Variants in CAST observed in about 807,000 individuals in gnomAD.
The protein encoded by CAST is calpastatin.
A neutral mutation model predicts 119.6 loss-of-function variants in CAST; 76 were observed. The observed-to-expected ratio is 0.64, with a 90% CI of 0.53 to 0.77. The LOEUF (loss-of-function observed/expected upper bound fraction) is 0.77, where lower values mean the gene tolerates loss of function less well. Ranked by LOEUF, CAST falls within the 30% of genes least tolerant of loss-of-function variation. The probability of loss-of-function intolerance (pLI) is 0.00; values close to 1 mark genes in which losing one functional copy is unlikely to be tolerated. For synonymous variants in CAST, 319 were observed against 331.6 expected (o/e 0.96, Z 0.41); for missense variants, 953 against 946.5 (o/e 1.01, Z -0.09).
upstream of CAST, chr5:96,529,760 T>G (rs1057425072): frequency 2.3e-6 from 1 of 434,822 alleles, no homozygotes; most frequent in Admixed American, 2.5e-5. Context: ...TCACGAGATA[T>G]AATGGTTTTA....
chr5:96,664,839 A>G (rs1373147531), intron 1 of CAST, among the ~76,000 whole-genome samples: 1 of 152,198 alleles, frequency 6.6e-6, no homozygotes, highest in East Asian at 1.9e-4. Context: ...TTGATGTGGT[A>G]AGAACAAACC....
chr5:96,749,457 A>G (rs1209663446), intron 19 of CAST, among the ~76,000 whole-genome samples: 1 of 152,248 alleles, frequency 6.6e-6, no homozygotes, highest in Non-Finnish European at 1.5e-5. Flanking sequence ...CCATCTGCTG[A>G]GCACCTTGCA....
At chr5:96,678,066 A>C (rs529470216) in intron 2 of CAST, among the ~76,000 whole-genome samples, 1 of 152,196 alleles carries the variant, frequency 6.6e-6, no homozygotes, top group Non-Finnish European at 1.5e-5. Context: ...CTTGATGTTC[A>C]TGATTATAAA....
the CAST span, among the ~76,000 whole-genome samples, chr5:96,340,053 A>G: frequency 6.6e-6 from 1 of 152,212 alleles, no homozygotes; most frequent in African/African-American, 2.4e-5. Context: ...ACTTTATGGT[A>G]ATCGGACAGG....
chr5:96,765,514 A>C (rs2150723850), intron 26 of CAST, among the ~76,000 whole-genome samples, 189 bp downstream of exon 26: 1 of 152,250 alleles, frequency 6.6e-6, no homozygotes, highest in South Asian at 2.1e-4. Context: ...TGTGACAGAG[A>C]TACCAGCGGA....
the CAST span, among the ~76,000 whole-genome samples, chr5:96,500,280 G>A: frequency 2.2e-4 from 34 of 152,180 alleles, no homozygotes; most frequent in African/African-American, 8.2e-4. Flanking sequence ...CCTTCAATTT[G>A]TAAAAAATGC....
chr5:96,122,665 C>G, the CAST span, among the ~76,000 whole-genome samples: 1 of 151,726 alleles, frequency 6.6e-6, no homozygotes, highest in African/African-American at 2.4e-5. Flanking sequence ...GTGCACATAT[C>G]AGTTGAAGAA....
the CAST span, among the ~76,000 whole-genome samples, chr5:95,969,456 A>G: frequency 6.6e-6 from 1 of 152,188 alleles, no homozygotes; most frequent in Non-Finnish European, 1.5e-5. Context: ...GGGGAGACCA[A>G]TGATCAGAGG....
the CAST span, among the ~76,000 whole-genome samples, chr5:96,285,027 T>C: frequency 1.3e-5 from 2 of 152,224 alleles, no homozygotes; most frequent in African/African-American, 4.8e-5. Flanking sequence ...CATAAATAAT[T>C]TGGTCTTAGT....
the CAST span, among the ~76,000 whole-genome samples, chr5:96,180,716 T>G: frequency 1.2e-4 from 18 of 152,348 alleles, no homozygotes; most frequent in African/African-American, 4.1e-4. Flanking sequence ...TATTCACAAT[T>G]TCAAGTAAAA....
At chr5:96,164,242 G>T in the CAST span, among the ~76,000 whole-genome samples, 1 of 152,178 alleles carries the variant, frequency 6.6e-6, no homozygotes, top group African/African-American at 2.4e-5. Context: ...CGTAAAGAAA[G>T]AATAGAAAGA....
chr5:96,523,872 C>T (rs1282760550), upstream of CAST, among the ~76,000 whole-genome samples: 1 of 152,196 alleles, frequency 6.6e-6, no homozygotes, highest in Non-Finnish European at 1.5e-5. Context: ...ACTTAACCTC[C>T]CATTGGGCAA....
At chr5:96,553,233 C>T (rs1048781224) in intron 1 of CAST, among the ~76,000 whole-genome samples, 7 of 152,202 alleles carry the variant, frequency 4.6e-5, no homozygotes, top group African/African-American at 1.7e-4. Context: ...GGGCTTCATC[C>T]CTGGGATGCA....
At chr5:96,623,735 C>T (rs1407444612) in intron 1 of CAST, among the ~76,000 whole-genome samples, 1 of 152,126 alleles carries the variant, frequency 6.6e-6, no homozygotes, top group East Asian at 1.9e-4. Context: ...CAAAACAGTG[C>T]CTTGCTCTGT....
the CAST span, among the ~76,000 whole-genome samples, chr5:95,977,470 A>T: frequency 6.6e-6 from 1 of 152,238 alleles, no homozygotes; most frequent in African/African-American, 2.4e-5. Flanking sequence ...CACTGTGCTT[A>T]TGCTTCCTGT....
chr5:96,353,727 C>T, the CAST span, among the ~76,000 whole-genome samples: 1 of 152,200 alleles, frequency 6.6e-6, no homozygotes, highest in Non-Finnish European at 1.5e-5. Context: ...CACTATTCTT[C>T]TCCTTCCCCT....
At chr5:96,234,795 C>T in the CAST span, among the ~76,000 whole-genome samples, 119 of 152,102 alleles carry the variant, frequency 7.8e-4, no homozygotes, top group African/African-American at 2.7e-3. Flanking sequence ...ACAACAAAGT[C>T]TGGGGAGGTG....
intron 1 of CAST, among the ~76,000 whole-genome samples, chr5:96,656,729 A>G (rs750440420): frequency 2.0e-5 from 3 of 152,190 alleles, no homozygotes; most frequent in Non-Finnish European, 4.4e-5. Context: ...GAAGAGGGAT[A>G]GAGCAATGGG....
At chr5:96,513,296 C>T in the CAST span, among the ~76,000 whole-genome samples, 1 of 152,322 alleles carries the variant, frequency 6.6e-6, no homozygotes, top group East Asian at 1.9e-4. Context: ...AGAACAAACA[C>T]ATATCTGTCC....
Sources: allele counts gnomAD v4.1 joint callset (sites outside exome capture counted in the v4.1 genomes callset), GRCh38; gene constraint gnomAD v4.1.1; transcripts MANE v1.5; gene names NCBI Gene and HGNC (gene_info 2026-07-23, HGNC 2026-07-21).